Variants in UBE2QL1 observed in about 807,000 individuals in gnomAD.
UBE2QL1 encodes ubiquitin-conjugating enzyme E2Q-like protein 1.
UBE2QL1 carries 5 observed loss-of-function variants against 12.6 expected under a neutral mutation model. The ratio of observed to expected loss-of-function variants is 0.40; its 90% CI spans 0.21 to 0.83. The LOEUF (loss-of-function observed/expected upper bound fraction) is 0.83, where lower values mean the gene tolerates loss of function less well. Among genes scored for constraint, UBE2QL1 ranks in the 40% least tolerant of loss-of-function variants. The pLI is 0.37. For synonymous variants in UBE2QL1, 96 were observed against 94.5 expected (o/e 1.02, Z -0.10); for missense variants, 99 against 222.6 (o/e 0.44, Z 3.53).
At position 6,476,801 on chromosome 5, in the gene UBE2QL1, G is replaced by A. The variant is rs912142154; in HGVS notation, c.355-14417G>A. Among the ~76,000 whole-genome samples the A allele has an allele frequency of 2.0e-5, 3 of 152,120 alleles. No individual in the cohort carries two copies. The highest frequency in any genetic ancestry group is 1.3e-4 in the Admixed American group (2 of 15,262). On this transcript the variant is annotated intron_variant, in intron 1 of 1. Transcript: ENST00000399816. This position sits in a 1 kb window ranked among gnomAD's most constrained non-coding sequence, Gnocchi z 4.9. ...GTAGTTGAGATTTGTAAAAACAAACGGCGTTGTCTTCACTGGACACTAGCT... is the reference window on the plus strand; with the variant it reads ...GTAGTTGAGATTTGTAAAAACAAACAGCGTTGTCTTCACTGGACACTAGCT...
chr5:6,485,106 G>A (rs1026621309), intron 1 of UBE2QL1, among the ~76,000 whole-genome samples: 29 of 152,122 alleles, frequency 1.9e-4, no homozygotes, highest in Admixed American at 3.9e-4. Flanking sequence ...ATGAACACAC[G>A]TGCACACATA....
chr5:6,478,058 G>A lies in UBE2QL1; in HGVS notation c.355-13160G>A, dbSNP rs1436570528. Among the ~76,000 whole-genome samples, 1 of 152,124 alleles carries A rather than the reference G, an allele frequency of 6.6e-6. No homozygotes were observed. The highest frequency in any genetic ancestry group is 2.4e-5 in the African/African-American group (1 of 41,418). On this transcript the variant is annotated intron_variant, in intron 1 of 1. Transcript: ENST00000399816. The surrounding 1 kb of genome is among the most constrained non-coding windows in gnomAD (Gnocchi z 4.5). ...TAAAAATCAGAAAAGTAACAAAGTA[G>A]GTGAAGTAAATAATCCATGTAGAGT...
intron 1 of UBE2QL1, among the ~76,000 whole-genome samples, chr5:6,486,787 C>G (rs1174523078): frequency 2.0e-5 from 3 of 152,202 alleles, no homozygotes; most frequent in African/African-American, 7.2e-5. Context: ...AGTGGTTTTG[C>G]TCCTGTGGGG....
chr5:6,483,486 C>T (rs1734404948), intron 1 of UBE2QL1, among the ~76,000 whole-genome samples: 1 of 151,880 alleles, frequency 6.6e-6, no homozygotes, highest in Non-Finnish European at 1.5e-5. Context: ...TGATGCACGG[C>T]AGGTGTGTTT....
intron 1 of UBE2QL1, among the ~76,000 whole-genome samples, chr5:6,469,175 G>T (rs1240369518): frequency 1.3e-5 from 2 of 152,128 alleles, no homozygotes; most frequent in Non-Finnish European, 2.9e-5. Flanking sequence ...CCTGAGCTTT[G>T]GCTGCGTCTT....
Position 6,481,119 on chromosome 5 carries a change from G to A in UBE2QL1, c.355-10099G>A, listed in dbSNP as rs938176468. Among the ~76,000 whole-genome samples, 120 of 152,122 alleles carry A rather than the reference G, an allele frequency of 7.9e-4. No individual in the cohort carries two copies. Among genetic ancestry groups the A allele is most frequent in the African/African-American group, 2.8e-3 (115 of 41,404 alleles). Reference sequence around the variant, plus strand: ...ATGACTGTTTTTCAAGAGTTGGCCCGGAGCGTGCTTCTCGGGCCATTTCAC... The same window carrying A: ...ATGACTGTTTTTCAAGAGTTGGCCCAGAGCGTGCTTCTCGGGCCATTTCAC... On this transcript the variant is annotated intron_variant, in intron 1 of 1. Coordinates refer to ENST00000399816, the MANE Select transcript of UBE2QL1 (RefSeq NM_001145161.3). This position sits in a 1 kb window ranked among gnomAD's most constrained non-coding sequence, Gnocchi z 4.5.
intron 1 of UBE2QL1, among the ~76,000 whole-genome samples, chr5:6,462,633 C>T (rs761108261): frequency 1.3e-5 from 2 of 152,138 alleles, no homozygotes; most frequent in South Asian, 2.1e-4. Context: ...CACTAACTGC[C>T]GGGCTTGACA....
chr5:6,473,740 T>G (rs996026561), intron 1 of UBE2QL1, among the ~76,000 whole-genome samples: 1 of 152,184 alleles, frequency 6.6e-6, no homozygotes, highest in Non-Finnish European at 1.5e-5. Flanking sequence ...AGCACAAAAC[T>G]TATTTTTGCT....
chr5:6,470,446 G>A (rs1579294621), intron 1 of UBE2QL1, among the ~76,000 whole-genome samples: 1 of 152,190 alleles, frequency 6.6e-6, no homozygotes, highest in South Asian at 2.1e-4. Flanking sequence ...GGTAGAGAAT[G>A]AAAAGTTTCA....
At position 6,492,175 on chromosome 5, in the gene UBE2QL1, C is replaced by A. The variant is rs1734585506; in HGVS notation, c.*826C>A. The stretch of plus-strand genomic sequence containing the variant: ...CGTCCGATGTTAGGAAATGGTCCTA[C>A]GGCCGCGCCTTTGTGTTCCTGTCTT... On this transcript the variant is annotated 3_prime_UTR_variant, in exon 2 of 2. Coordinates refer to ENST00000399816, the MANE Select transcript of UBE2QL1 (RefSeq NM_001145161.3). 1 of 152,214 alleles carries A rather than the reference C, an allele frequency of 6.6e-6. No homozygotes were observed. The highest frequency in any genetic ancestry group is 2.1e-4 in the South Asian group (1 of 4,832). 9.4% of individuals were successfully genotyped at this position (152,214 alleles called of 1,614,324 possible).
intron 1 of UBE2QL1, among the ~76,000 whole-genome samples, chr5:6,475,210 G>C (rs1734206390): frequency 6.6e-6 from 1 of 152,148 alleles, no homozygotes; most frequent in South Asian, 2.1e-4. Context: ...TGACCTAAAA[G>C]TAATAATAGC....
chr5:6,449,382 GC>G, intron 1 of UBE2QL1, 135 bp downstream of exon 1: 1 of 844,526 alleles, frequency 1.2e-6, no homozygotes, highest in Non-Finnish European at 1.6e-6. Flanking sequence ...CTACACCAGC[GC>G]CCCACGGGGA....
chr5:6,465,683 GT>G (rs1229668886), intron 1 of UBE2QL1, among the ~76,000 whole-genome samples: 10 of 152,200 alleles, frequency 6.6e-5, no homozygotes, highest in Non-Finnish European at 1.5e-4. Flanking sequence ...GCTGCTCTGT[GT>G]CCTGGAAAGG....
At chr5:6,482,069 A>C (rs1734373676) in intron 1 of UBE2QL1, among the ~76,000 whole-genome samples, 1 of 152,188 alleles carries the variant, frequency 6.6e-6, no homozygotes, top group Non-Finnish European at 1.5e-5. Flanking sequence ...GACTGGTGTC[A>C]CTGTAAGAAG....
chr5:6,453,011 C>G (rs1338923829), intron 1 of UBE2QL1, among the ~76,000 whole-genome samples: 1 of 152,228 alleles, frequency 6.6e-6, no homozygotes, highest in East Asian at 1.9e-4. Context: ...CCTCACTCCT[C>G]TCCTGGCCCC....
intron 1 of UBE2QL1, among the ~76,000 whole-genome samples, chr5:6,480,449 T>A (rs1734336681): frequency 6.6e-6 from 1 of 152,238 alleles, no homozygotes; most frequent in African/African-American, 2.4e-5. Context: ...TGAGCGTATC[T>A]GTCACTTACC....
intron 1 of UBE2QL1, among the ~76,000 whole-genome samples, chr5:6,482,945 G>C (rs1366169682): frequency 6.6e-6 from 1 of 152,182 alleles, no homozygotes; most frequent in Non-Finnish European, 1.5e-5. Flanking sequence ...TTTTCATCTT[G>C]TCTCCCAGCT....
intron 1 of UBE2QL1, among the ~76,000 whole-genome samples, chr5:6,489,052 A>G (rs1734517253): frequency 6.6e-6 from 1 of 152,190 alleles, no homozygotes. Flanking sequence ...GCTAGCAGTC[A>G]ATAAATGGCC....
At chr5:6,489,326 A>T (rs998168307) in intron 1 of UBE2QL1, among the ~76,000 whole-genome samples, 4 of 152,098 alleles carry the variant, frequency 2.6e-5, no homozygotes, top group African/African-American at 9.7e-5. Context: ...CAGAAGGCTG[A>T]GGCAGGAGGA....
Sources: gnomAD v4.1 joint callset for allele counts (sites outside exome capture counted in the v4.1 genomes callset) on GRCh38, gnomAD v4.1.1 for gene constraint, Gnocchi (gnomAD v3.1) non-coding constraint, MANE v1.5 for transcripts, NCBI Gene and HGNC (gene_info 2026-07-23, HGNC 2026-07-21) for gene names.